PALLD: variants seen among roughly 807,000 people sequenced by gnomAD.
The protein encoded by PALLD is palladin, cytoskeletal associated protein.
Under a neutral mutation model 123.5 loss-of-function variants are expected in PALLD, and 61 were observed. The ratio of observed to expected loss-of-function variants is 0.49; its 90% confidence interval spans 0.40 to 0.61. The LOEUF (loss-of-function observed/expected upper bound fraction) is 0.61. PALLD is among the 20% of genes least tolerant of loss of function. PALLD has a pLI of 0.00. For synonymous variants in PALLD, 465 were observed against 496.4 expected, an observed-to-expected ratio of 0.94 and a Z score of 0.84; for missense variants, 1,273 against 1,377.0, an observed-to-expected ratio of 0.92 and a Z score of 1.20.
rs764872937 is a variant in PALLD at position 168,514,707 on chromosome 4, T to A, written c.908+2295T>A. Among the ~76,000 whole-genome samples, 5 of 152,196 alleles carry A rather than the reference T, an allele frequency of 3.3e-5. No individual in the cohort carries two copies. In the South Asian group the frequency reaches 1.0e-3, roughly 31 times the overall value. ...TTCATTCTCATGTCACTCAAAACAG[T>A]TCCACAGGTTTTCAAACTACATATG... On this transcript the variant is annotated intron_variant, in intron 2 of 21. Transcript: ENST00000505667.
At chr4:168,783,957 T>C (rs1736311263) in intron 10 of PALLD, among the ~76,000 whole-genome samples, 1 of 152,074 alleles carries the variant, frequency 6.6e-6, no homozygotes, top group Non-Finnish European at 1.5e-5. Flanking sequence ...AAAAGGTAAC[T>C]CCTGAGGCCA....
At chr4:168,533,943 C>A (rs1280341273) in intron 2 of PALLD, among the ~76,000 whole-genome samples, 1 of 152,122 alleles carries the variant, frequency 6.6e-6, no homozygotes, top group Non-Finnish European at 1.5e-5. Flanking sequence ...TGATAACTGA[C>A]AATGTCATTT....
intron 4 of PALLD, among the ~76,000 whole-genome samples, chr4:168,682,542 C>G (rs1290047285): frequency 6.6e-6 from 1 of 151,918 alleles, no homozygotes; most frequent in Non-Finnish European, 1.5e-5. Context: ...AAATTAGAAA[C>G]CAGAAAAAAG....
At chr4:168,655,939 G>T (rs933143859) in intron 2 of PALLD, among the ~76,000 whole-genome samples, 17 of 152,208 alleles carry the variant, frequency 1.1e-4, no homozygotes, top group African/African-American at 3.9e-4. Flanking sequence ...CAATTCCATA[G>T]AGTCGAAGAC....
intron 2 of PALLD, among the ~76,000 whole-genome samples, chr4:168,587,844 T>G (rs915777979): frequency 3.3e-5 from 5 of 151,990 alleles, no homozygotes; most frequent in African/African-American, 1.2e-4. Flanking sequence ...CTCAGATGAT[T>G]CATTAAAATA....
chr4:168,577,092 C>T (rs1334846204), intron 2 of PALLD, among the ~76,000 whole-genome samples: 1 of 152,076 alleles, frequency 6.6e-6, no homozygotes, highest in Non-Finnish European at 1.5e-5. Flanking sequence ...GACTCCAGCA[C>T]AGCCATAAGG....
intron 2 of PALLD, among the ~76,000 whole-genome samples, chr4:168,663,010 G>T (rs558659279): frequency 6.6e-6 from 1 of 152,290 alleles, no homozygotes. Context: ...TTGAGTTGGT[G>T]AAAGTCTATA....
chr4:168,764,141 A>G (rs1466621254), intron 10 of PALLD, among the ~76,000 whole-genome samples: 2 of 152,194 alleles, frequency 1.3e-5, no homozygotes, highest in Non-Finnish European at 2.9e-5. Context: ...ATGTCTTCTT[A>G]TAGATATGGG....
Position 168,926,512 on chromosome 4 carries a change from A to G in PALLD, c.*332A>G. ...TAAGAAATTAAAAAAAAAACACCAA[A>G]ATAATATTTTTCTTACTTGATATAC... is the stretch of plus-strand genomic sequence containing the variant. On this transcript the variant is annotated 3_prime_UTR_variant, in exon 22 of 22. Transcript: ENST00000505667. The G allele has an allele frequency of 1.5e-6, 1 of 657,490 alleles. No homozygotes were observed. The highest frequency in any genetic ancestry group is 2.4e-5 in the South Asian group (1 of 41,166). The allele number at this position is 657,490 out of a possible 1,614,324, so 40.7% of individuals were successfully genotyped here.
chr4:168,894,647 T>A lies in PALLD; in HGVS notation c.2169T>A (p.Ile723=), dbSNP rs2151217538. Residue 723 remains isoleucine (I), a synonymous_variant, in exon 12 of 22, where the codon ATT becomes ATA. Coordinates refer to ENST00000505667, the MANE Select transcript of PALLD (RefSeq NM_001166108.2). ...LGADSATVFN[I]QEPEEETANQ... ...CTGACAGTGCAACTGTCTTTAATAT[T>A]CAGGAGCCAGAAGAGGAAACAGCTA... 1 of 1,613,768 alleles carries A rather than the reference T, an allele frequency of 6.2e-7. No individual in the cohort carries two copies. Among genetic ancestry groups the A allele is most frequent in the Non-Finnish European group, 8.5e-7 (1 of 1,179,774 alleles).
At chr4:168,675,907 A>T (rs1442241714) in intron 3 of PALLD, among the ~76,000 whole-genome samples, 2 of 151,960 alleles carry the variant, frequency 1.3e-5, no homozygotes, top group Non-Finnish European at 2.9e-5. Context: ...AATAAAAAAA[A>T]TAGCCAGGCA....
chr4:168,638,958 C>CACATTCCTCTTTGGA (rs1341587699), intron 2 of PALLD, among the ~76,000 whole-genome samples: 1 of 152,144 alleles, frequency 6.6e-6, no homozygotes, highest in Non-Finnish European at 1.5e-5. Flanking sequence ...TCCCACTCCA[C>CACATTCCTCTTTGGA]ACATTCCTCT....
At chr4:168,745,893 T>G (rs955912) in intron 10 of PALLD, among the ~76,000 whole-genome samples, 1 of 151,884 alleles carries the variant, frequency 6.6e-6, no homozygotes, top group African/African-American at 2.4e-5. Context: ...ACTTTTCCAA[T>G]TTTAAAATAA....
chr4:168,510,208 TAACA>T (rs1388380175), intron 1 of PALLD, among the ~76,000 whole-genome samples: 2 of 152,114 alleles, frequency 1.3e-5, no homozygotes, highest in African/African-American at 4.8e-5. Flanking sequence ...ACACTTAGAG[TAACA>T]AGGAGTCATT....
chr4:168,757,009 T>C (rs1731983851), intron 10 of PALLD, among the ~76,000 whole-genome samples: 1 of 152,184 alleles, frequency 6.6e-6, no homozygotes, highest in Admixed American at 6.5e-5. Flanking sequence ...ATTTTATCCA[T>C]GCTACAGAGT....
At chr4:168,564,424 T>A (rs1184321223) in intron 2 of PALLD, among the ~76,000 whole-genome samples, 2 of 152,222 alleles carry the variant, frequency 1.3e-5, no homozygotes, top group Non-Finnish European at 2.9e-5. Context: ...TTAGCAAGGA[T>A]CTGTTCAGTG....
At chr4:168,691,321 TGG>T in intron 8 of PALLD, 29 bp downstream of exon 8, 85 of 1,574,910 alleles carry the variant, frequency 5.4e-5, no homozygotes, top group Middle Eastern at 1.7e-4. Flanking sequence ...TTTTTTTTTT[TGG>T]TGGTGGGGGA....
At chr4:168,775,508 T>A (rs180976477) in intron 10 of PALLD, among the ~76,000 whole-genome samples, 2 of 152,326 alleles carry the variant, frequency 1.3e-5, no homozygotes, top group Admixed American at 1.3e-4. Flanking sequence ...TTTAAAAATT[T>A]CCTTCATAGT....
At chr4:168,517,509 A>T (rs1763102809) in intron 2 of PALLD, among the ~76,000 whole-genome samples, 1 of 152,204 alleles carries the variant, frequency 6.6e-6, no homozygotes, top group Non-Finnish European at 1.5e-5. Context: ...CATCAGCAAG[A>T]CTTTGATCAT....
Sources: gnomAD v4.1 joint callset for allele counts (sites outside exome capture counted in the v4.1 genomes callset) on GRCh38, gnomAD v4.1.1 for gene constraint, MANE v1.5 for transcripts, NCBI Gene and HGNC (gene_info 2026-07-23, HGNC 2026-07-21) for gene names.